Variants in DDX10 observed in about 807,000 individuals in gnomAD.
The protein encoded by DDX10 is DEAD-box helicase 10.
DDX10 carries 74 observed loss-of-function variants against 104.3 expected under a neutral mutation model. That is an observed-to-expected ratio of 0.71 (90% confidence interval 0.59 to 0.86). DDX10 has a LOEUF of 0.86. Ranked by LOEUF, DDX10 falls within the 40% of genes least tolerant of loss-of-function variation. DDX10 has a pLI of 0.00. For synonymous variants in DDX10, 351 were observed against 353.4 expected (o/e 0.99, Z 0.08); for missense variants, 952 against 1,040.0 (o/e 0.92, Z 1.16).
chr11:108,815,972 A>G (rs1236477691), intron 13 of DDX10, among the ~76,000 whole-genome samples: 1 of 151,960 alleles, frequency 6.6e-6, no homozygotes, highest in African/African-American at 2.4e-5. Context: ...AATCTGTTGA[A>G]ACTTTTCTTG....
intron 13 of DDX10, among the ~76,000 whole-genome samples, chr11:108,791,626 T>C (rs1324663546): frequency 6.6e-6 from 1 of 152,190 alleles, no homozygotes; most frequent in Admixed American, 6.5e-5. Flanking sequence ...TCTGTCACCA[T>C]CCTCAGCCCC....
At chr11:108,885,987 A>T (rs1026001834) in intron 16 of DDX10, among the ~76,000 whole-genome samples, 10 of 152,210 alleles carry the variant, frequency 6.6e-5, no homozygotes, top group African/African-American at 2.4e-4. Context: ...CTGATCCATA[A>T]AGGAATAATT....
In DDX10 at chr11:108,823,233, C is replaced by T. The variant is rs115726320; in HGVS notation, c.1966-15213C>T. Among the ~76,000 whole-genome samples the T allele has an allele frequency of 1.9e-3, 291 of 152,246 alleles. 1 individual carries two copies. Among genetic ancestry groups the T allele is most frequent in the African/African-American group, 6.3e-3 (263 of 41,526 alleles). The stretch of plus-strand genomic sequence containing the variant: ...ATCATCCTGGCACATTTTGTCGAAA[C>T]GTAGTACACATAGGCTAGCCTTTGA... On this transcript the variant is annotated intron_variant, in intron 13 of 17. Transcript: ENST00000322536.
At chr11:108,870,503 T>C (rs896120004) in intron 16 of DDX10, among the ~76,000 whole-genome samples, 7 of 152,190 alleles carry the variant, frequency 4.6e-5, no homozygotes, top group African/African-American at 1.7e-4. Flanking sequence ...CTCTTAACTT[T>C]AGACTGTCTA....
intron 13 of DDX10, among the ~76,000 whole-genome samples, chr11:108,833,565 C>T (rs1171296720): frequency 6.6e-6 from 1 of 152,188 alleles, no homozygotes; most frequent in African/African-American, 2.4e-5. Context: ...CAGTGGCTTC[C>T]CTAAAACAAA....
chr11:108,704,599 C>T (rs1444428508), intron 9 of DDX10, among the ~76,000 whole-genome samples: 1 of 152,172 alleles, frequency 6.6e-6, no homozygotes, highest in Admixed American at 6.5e-5. Context: ...GCTTCATGTG[C>T]TAGTGAATGC....
In DDX10 at chr11:108,718,834, GA is replaced by G. The variant is rs555970902; in HGVS notation, c.1411-957del. ...TGATTGCTTGTGGATGATTGTAGGG[GA>G]AAAAATTATTTTTAAACTGGTGCCA... is the stretch of plus-strand genomic sequence containing the variant. On this transcript the variant is annotated intron_variant, in intron 11 of 17. Coordinates refer to ENST00000322536, the MANE Select transcript of DDX10 (RefSeq NM_004398.4). 1.7e-3 allele frequency among the ~76,000 whole-genome samples: 265 copies of G among 152,284 alleles called. 2 individuals carry two copies. Among genetic ancestry groups the G allele is most frequent in the African/African-American group, 4.9e-3 (205 of 41,548 alleles).
chr11:108,855,529 G>A (rs1334663387), intron 16 of DDX10, among the ~76,000 whole-genome samples: 1 of 152,066 alleles, frequency 6.6e-6, no homozygotes, highest in African/African-American at 2.4e-5. Context: ...ACGCGATCTT[G>A]GCCCACTGCA....
intron 7 of DDX10, among the ~76,000 whole-genome samples, chr11:108,691,355 C>G (rs1176984941): frequency 6.6e-6 from 1 of 152,200 alleles, no homozygotes; most frequent in African/African-American, 2.4e-5. Context: ...TCTTTTCAGT[C>G]TAGTAATCCA....
chr11:108,788,722 G>A (rs77461388), intron 13 of DDX10, among the ~76,000 whole-genome samples: 1 of 152,206 alleles, frequency 6.6e-6, no homozygotes, highest in Admixed American at 6.5e-5. Context: ...TGTTTTGGTG[G>A]TGTATTTTGG....
At chr11:108,684,537 T>C (rs2094240657) in intron 6 of DDX10, among the ~76,000 whole-genome samples, 1 of 149,718 alleles carries the variant, frequency 6.7e-6, no homozygotes, top group Non-Finnish European at 1.5e-5. Context: ...AACTCATCAG[T>C]TTTTATGGCT....
intron 13 of DDX10, among the ~76,000 whole-genome samples, chr11:108,752,268 C>T (rs955642703): frequency 6.6e-6 from 1 of 152,002 alleles, no homozygotes; most frequent in South Asian, 2.1e-4. Context: ...TTAAACCTAC[C>T]GGGTTCCTCT....
intron 13 of DDX10, among the ~76,000 whole-genome samples, chr11:108,760,434 T>C (rs1018623438): frequency 2.0e-5 from 3 of 152,158 alleles, no homozygotes; most frequent in South Asian, 2.1e-4. Flanking sequence ...ACATCTAATA[T>C]GTTTACAAAA....
chr11:108,820,387 G>A (rs1205429918), intron 13 of DDX10, among the ~76,000 whole-genome samples: 2 of 152,202 alleles, frequency 1.3e-5, no homozygotes, highest in Non-Finnish European at 2.9e-5. Flanking sequence ...GGTAGGGGAA[G>A]GAATTGATTT....
intron 15 of DDX10, among the ~76,000 whole-genome samples, chr11:108,846,775 C>T (rs1173387261): frequency 6.6e-6 from 1 of 151,912 alleles, no homozygotes; most frequent in African/African-American, 2.4e-5. Flanking sequence ...ATTTCAATTC[C>T]CTTATATATA....
chr11:108,675,798 A>G, intron 3 of DDX10, 72 bp downstream of exon 3: 2 of 1,534,904 alleles, frequency 1.3e-6, no homozygotes, highest in Non-Finnish European at 1.8e-6. Flanking sequence ...GATGCAGATT[A>G]TATAAAGAGA....
rs555257553 is a variant in DDX10 at position 108,684,857 on chromosome 11, C to T, written c.849-4079C>T. Among the ~76,000 whole-genome samples, 972 of 146,838 alleles carry T rather than the reference C, an allele frequency of 6.6e-3. 3 individuals are homozygous for T. Among genetic ancestry groups the T allele is most frequent in the Non-Finnish European group, 0.01 (665 of 66,294 alleles). ...CCCTATTTCTCCACATCCTCTCCAG[C>T]ACCTGTTGTTTCCTGACTTTTTAAT... On this transcript the variant is annotated intron_variant, in intron 6 of 17. Coordinates refer to ENST00000322536, the MANE Select transcript of DDX10 (RefSeq NM_004398.4).
chr11:108,679,654 C>A, intron 6 of DDX10, 94 bp downstream of exon 6: 1 of 948,844 alleles, frequency 1.1e-6, no homozygotes, highest in Non-Finnish European at 1.5e-6. Flanking sequence ...GGAATTAAGA[C>A]ATTCTATGAG....
At chr11:108,887,696 C>T (rs561737759) in intron 16 of DDX10, among the ~76,000 whole-genome samples, 1 of 152,148 alleles carries the variant, frequency 6.6e-6, no homozygotes, top group African/African-American at 2.4e-5. Context: ...GGGTGGTTCA[C>T]TTGATGACAG....
Sources: allele counts gnomAD v4.1 joint callset (sites outside exome capture counted in the v4.1 genomes callset), GRCh38; gene constraint gnomAD v4.1.1; transcripts MANE v1.5; gene names NCBI Gene and HGNC (gene_info 2026-07-23, HGNC 2026-07-21).